Variants in P3H4 observed in about 807,000 individuals in gnomAD.
The protein encoded by P3H4 is endoplasmic reticulum protein SC65.
P3H4 carries 47 observed loss-of-function variants against 52.9 expected under a neutral mutation model. The ratio of observed to expected loss-of-function variants is 0.89; its 90% CI spans 0.70 to 1.13. The LOEUF is 1.13. Ranked by LOEUF, P3H4 falls within the 50% of genes most tolerant of loss-of-function variation. The pLI is 0.00. For synonymous variants in P3H4, 256 were observed against 267.9 expected (o/e 0.96, Z 0.44); for missense variants, 585 against 611.0 (o/e 0.96, Z 0.45).
rs2047730365 is a variant in P3H4 at position 41,811,212 on chromosome 17, C to A, written c.535G>T (p.Ala179Ser). 4 of 1,613,992 alleles carry A rather than the reference C, an allele frequency of 2.5e-6. No individual in the cohort carries two copies. Among genetic ancestry groups the A allele is most frequent in the Non-Finnish European group, 2.5e-6 (3 of 1,180,036 alleles). The change falls in exon 2 of 8, where the codon GCC becomes TCC. Residue 179 changes from alanine to serine, a missense_variant. By Grantham distance (99) the Ala-to-Ser change is moderately conservative (BLOSUM62 1). Coordinates refer to ENST00000393928, the MANE Select transcript of P3H4 (RefSeq NM_006455.3). This position sits in a 1 kb window ranked among gnomAD's most constrained non-coding sequence, Gnocchi z 4.8. ...LQRNPKHELT[A>S]KYLNYYQGML... Reference sequence around the variant, plus strand: ...CCCTGATAGTAGTTGAGATACTTGGCGGTCAGCTCGTGCTTCGGGTTCCTC... The same window carrying A: ...CCCTGATAGTAGTTGAGATACTTGGAGGTCAGCTCGTGCTTCGGGTTCCTC...
chr17:41,807,036 C>G, intron 5 of P3H4, 157 bp from the exon 6 acceptor site: 2 of 613,324 alleles, frequency 3.3e-6, no homozygotes, highest in Admixed American at 5.4e-5. Context: ...ATCGTGGCTG[C>G]TTGGAACACT....
At position 41,802,937 on chromosome 17, in the gene P3H4, C is replaced by G. The variant is rs1065029; in HGVS notation, c.*20G>C. ...CGGCACCAGGCTTCCCAAGCTTGAG[C>G]GGTGTGGGGTGTCCCCTTCTCATGC... is the stretch of plus-strand genomic sequence containing the variant. On this transcript the variant is annotated 3_prime_UTR_variant, in exon 8 of 8. Transcript: ENST00000393928. 1,435,848 of 1,610,012 alleles carry G rather than the reference C, an allele frequency of 0.89. 641,035 individuals carry two copies. Among genetic ancestry groups the G allele is most frequent in the East Asian group, 1 (44,714 of 44,720 alleles).
Position 41,807,879 on chromosome 17 carries a change from C to T in P3H4, c.1042G>A (p.Glu348Lys), listed in dbSNP as rs782549075. The change falls in exon 5 of 8, where the codon GAG (glutamate) becomes AAG (lysine). Residue 348 changes from glutamate to lysine, a missense_variant. Glu to Lys is a moderately conservative substitution (Grantham distance 56). Coordinates refer to ENST00000393928, the MANE Select transcript of P3H4 (RefSeq NM_006455.3). ...CCCACCTCCCGGGGCTGGAAGTCCT[C>T]CTCTTCCAGGCCCCAGCGAGCCCGG... ...FHRARWGLEE[E>K]DFQPREEAML... 9 of 1,613,718 alleles carry T rather than the reference C, an allele frequency of 5.6e-6. No homozygotes were observed. Among genetic ancestry groups the T allele is most frequent in the Non-Finnish European group, 6.8e-6 (8 of 1,179,846 alleles).
At chr17:41,810,776 C>T in intron 3 of P3H4, 87 bp downstream of exon 3, 1 of 1,485,766 alleles carries the variant, frequency 6.7e-7, no homozygotes, top group Non-Finnish European at 9.1e-7. Context: ...TCCGCATTCG[C>T]AGTGCTCCAC....
intron 5 of P3H4, 93 bp from the exon 6 acceptor site, chr17:41,806,972 C>T (rs1461188329): frequency 4.6e-6 from 4 of 873,292 alleles, no homozygotes; most frequent in Middle Eastern, 3.2e-4. Context: ...CCCACTGGCC[C>T]TCTTCTAGCT....
At chr17:41,804,504 T>C (rs1167230394) in intron 6 of P3H4, among the ~76,000 whole-genome samples, 1 of 151,916 alleles carries the variant, frequency 6.6e-6, no homozygotes, top group Admixed American at 6.6e-5. Context: ...GGCACACGCC[T>C]GTAATCCCAG....
At chr17:41,808,143 A>G (rs2047694088) in intron 4 of P3H4, 139 bp from the exon 5 acceptor site, 1 of 1,077,190 alleles carries the variant, frequency 9.3e-7, no homozygotes. Context: ...CCCAAGCATA[A>G]TGCCAGCTAG....
Position 41,802,136 on chromosome 17 carries a change from C to G in P3H4, c.*821G>C, listed in dbSNP as rs1281842985. On this transcript the variant is annotated 3_prime_UTR_variant, in exon 8 of 8. Transcript: ENST00000393928. ...GTGAGGAGCTCAGCAGTGAGGAGGGCGGACCCCATCAGCCCACTTGCCAAC... is the reference window on the plus strand; with the variant it reads ...GTGAGGAGCTCAGCAGTGAGGAGGGGGGACCCCATCAGCCCACTTGCCAAC... 6.6e-6 allele frequency: 1 copy of G among 152,354 alleles called. No individual in the cohort carries two copies. Among genetic ancestry groups the G allele is most frequent in the African/African-American group, 2.4e-5 (1 of 41,440 alleles). The allele number at this position is 152,354 out of a possible 1,614,324, so 9.4% of individuals were successfully genotyped here.
At chr17:41,808,646 C>T (rs1177217833) in intron 4 of P3H4, among the ~76,000 whole-genome samples, 1 of 152,194 alleles carries the variant, frequency 6.6e-6, no homozygotes, top group African/African-American at 2.4e-5. Flanking sequence ...GCCTGGGCCT[C>T]CCAAAGTGCT....
chr17:41,804,861 C>T (rs544668722), intron 6 of P3H4, among the ~76,000 whole-genome samples: 1 of 151,804 alleles, frequency 6.6e-6, no homozygotes, highest in Non-Finnish European at 1.5e-5. Flanking sequence ...GTAATCCCAG[C>T]TACTCGGAGG....
intron 5 of P3H4, 181 bp from the exon 6 acceptor site, chr17:41,807,060 T>A (rs1024866563): frequency 6.3e-5 from 37 of 584,328 alleles, no homozygotes; most frequent in African/African-American, 6.0e-4. Flanking sequence ...TTAAGGATTC[T>A]GAGAGTTTGG....
At chr17:41,807,017 C>T in intron 5 of P3H4, 138 bp from the exon 6 acceptor site, 1 of 648,012 alleles carries the variant, frequency 1.5e-6, no homozygotes, top group East Asian at 2.7e-5. Flanking sequence ...CTCACAAGCT[C>T]ATCAGATCAT....
intron 6 of P3H4, among the ~76,000 whole-genome samples, chr17:41,805,147 C>T (rs1271382619): frequency 2.7e-5 from 4 of 150,306 alleles, no homozygotes; most frequent in Middle Eastern, 3.2e-3. Flanking sequence ...ATTAGCCGGG[C>T]GTGGTGGCAG....
intron 4 of P3H4, among the ~76,000 whole-genome samples, chr17:41,808,588 C>G (rs1399827377): frequency 6.6e-6 from 1 of 152,110 alleles, no homozygotes; most frequent in African/African-American, 2.4e-5. Flanking sequence ...GGGGTCTTGT[C>G]ATGTTGCCCA....
At chr17:41,805,303 A>AAACAAACAAACAAAC (rs570132671) in intron 6 of P3H4, among the ~76,000 whole-genome samples, 2 of 151,480 alleles carry the variant, frequency 1.3e-5, no homozygotes, top group South Asian at 4.2e-4. Flanking sequence ...ACAAACAAAC[A>AAACAAACAAACAAAC]AAAAAACATA....
rs1424236927 is a variant in P3H4 at position 41,802,392 on chromosome 17, TC to T, written c.*564del. 1 of 151,100 alleles carries T rather than the reference TC, an allele frequency of 6.6e-6. No individual in the cohort carries two copies. Among genetic ancestry groups the T allele is most frequent in the Non-Finnish European group, 1.5e-5 (1 of 68,570 alleles). 9.4% of individuals were successfully genotyped at this position (151,100 alleles called of 1,614,324 possible). On this transcript the variant is annotated 3_prime_UTR_variant, in exon 8 of 8. Coordinates refer to ENST00000393928, the MANE Select transcript of P3H4 (RefSeq NM_006455.3). ...CCTGGGTTCAGGCGATTCTCCTGCCTCAGCTACGATTACAGGTGTGTGCCAC... is the reference window on the plus strand; with the variant it reads ...CCTGGGTTCAGGCGATTCTCCTGCCTAGCTACGATTACAGGTGTGTGCCAC...
At chr17:41,810,014 G>A (rs1362854283) in intron 3 of P3H4, among the ~76,000 whole-genome samples, 180 bp from the exon 4 acceptor site, 1 of 152,046 alleles carries the variant, frequency 6.6e-6, no homozygotes, top group African/African-American at 2.4e-5. Context: ...TATATGACAA[G>A]TGATGGTGAG....
intron 6 of P3H4, among the ~76,000 whole-genome samples, chr17:41,805,333 TTC>T (rs782084185): frequency 2.7e-5 from 3 of 109,554 alleles, no homozygotes; most frequent in Non-Finnish European, 4.2e-5. Flanking sequence ...ACTTAATTCT[TTC>T]TCTTTTTTCG....
chr17:41,810,201 T>G (rs1597898189), intron 3 of P3H4, among the ~76,000 whole-genome samples: 2 of 129,438 alleles, frequency 1.5e-5, no homozygotes, highest in Admixed American at 8.7e-5. Flanking sequence ...TGAGACAGAG[T>G]CTCGCCCTGT....
Sources: gnomAD v4.1 joint callset for allele counts (sites outside exome capture counted in the v4.1 genomes callset) on GRCh38, gnomAD v4.1.1 for gene constraint, Gnocchi (gnomAD v3.1) non-coding constraint, MANE v1.5 for transcripts, NCBI Gene and HGNC (gene_info 2026-07-23, HGNC 2026-07-21) for gene names.